The following MKLN1 variants were observed in gnomAD, a reference collection of about 807,000 sequenced individuals.
MKLN1 encodes muskelin.
A neutral mutation model predicts 99.0 loss-of-function variants in MKLN1; 18 were observed. The observed-to-expected ratio is 0.18, with a 90% CI of 0.13 to 0.27. The LOEUF (loss-of-function observed/expected upper bound fraction) is 0.27. Ranked by LOEUF, MKLN1 falls within the 10% of genes least tolerant of loss-of-function variation. MKLN1 has a pLI of 1.00. For missense variants in MKLN1, 621 were observed against 875.9 expected, an observed-to-expected ratio of 0.71 and a Z score of 3.67; for synonymous variants, 288 against 293.2, an observed-to-expected ratio of 0.98 and a Z score of 0.18.
chr7:131,310,135 A>T (rs1270083277), intron 3 of MKLN1: 1 of 152,196 alleles, frequency 6.6e-6, no homozygotes, highest in African/African-American at 2.4e-5. Flanking sequence ...AAGCTATAGG[A>T]TATGGGTTAT....
chr7:131,219,974 C>A (rs369360705), intron 3 of MKLN1, among the ~76,000 whole-genome samples: 1 of 152,160 alleles, frequency 6.6e-6, no homozygotes, highest in African/African-American at 2.4e-5. Context: ...CACAATATGG[C>A]GCACTGACAT....
At chr7:131,166,441 A>G (rs1796125842) in intron 2 of MKLN1, among the ~76,000 whole-genome samples, 1 of 150,664 alleles carries the variant, frequency 6.6e-6, no homozygotes, top group Non-Finnish European at 1.5e-5. Flanking sequence ...GAGTAAAAGA[A>G]ACATCCTTAC....
At chr7:131,239,387 A>G (rs28454594) in intron 3 of MKLN1, among the ~76,000 whole-genome samples, 27,560 of 151,328 alleles carry the variant, frequency 0.18, 3,272 homozygotes, top group African/African-American at 0.34. Context: ...ATCATAGCTC[A>G]TATCTCACTG....
At chr7:131,445,596 A>G (rs1246633146) in intron 11 of MKLN1, among the ~76,000 whole-genome samples, 178 bp from the exon 12 acceptor site, 1 of 152,116 alleles carries the variant, frequency 6.6e-6, no homozygotes, top group African/African-American at 2.4e-5. Context: ...GATGTCCTAG[A>G]GATCCCCTTT....
At chr7:131,359,183 C>G (rs1356637761) in intron 1 of MKLN1, among the ~76,000 whole-genome samples, 1 of 152,148 alleles carries the variant, frequency 6.6e-6, no homozygotes, top group Non-Finnish European at 1.5e-5. Flanking sequence ...ATTCCTTTCA[C>G]TGTATCCCAC....
chr7:131,369,472 A>C (rs960297298), intron 1 of MKLN1, among the ~76,000 whole-genome samples: 11 of 152,068 alleles, frequency 7.2e-5, no homozygotes, highest in Admixed American at 1.3e-4. Context: ...GATTTTGAGA[A>C]ATTTTTTTTG....
At chr7:131,334,166 T>C (rs1408377154) in intron 1 of MKLN1, among the ~76,000 whole-genome samples, 1 of 152,200 alleles carries the variant, frequency 6.6e-6, no homozygotes, top group East Asian at 1.9e-4. Context: ...GTACAGATAA[T>C]GGTGGTTATG....
At chr7:131,376,640 CAAA>C (rs540925056) in intron 2 of MKLN1, among the ~76,000 whole-genome samples, 3 of 65,198 alleles carry the variant, frequency 4.6e-5, no homozygotes, top group Non-Finnish European at 3.2e-5. Flanking sequence ...GACTCTGTCT[CAAA>C]AAAAAAAAAA....
rs559787788 is a variant in MKLN1, at chr7:131,442,375, C to A, written c.1174-1106C>A. On this transcript the variant is annotated intron_variant, in intron 10 of 17. Coordinates refer to ENST00000352689, the MANE Select transcript of MKLN1 (RefSeq NM_013255.5). ...CCAGCCTGACCAACATGGAGTAACA[C>A]CATCTCTACTAAAAATACAAAATTA... 2.8e-4 allele frequency among the ~76,000 whole-genome samples: 43 copies of A among 152,164 alleles called. No homozygotes were observed. The South Asian group carries it at 8.7e-3, about 31-fold the overall frequency.
At chr7:131,454,441 T>C (rs1465764509) in intron 12 of MKLN1, among the ~76,000 whole-genome samples, 1 of 152,198 alleles carries the variant, frequency 6.6e-6, no homozygotes, top group Non-Finnish European at 1.5e-5. Flanking sequence ...AGTAAAATAA[T>C]AGAAGTTAGT....
intron 3 of MKLN1, among the ~76,000 whole-genome samples, chr7:131,301,189 C>T (rs1798372694): frequency 6.6e-6 from 1 of 152,134 alleles, no homozygotes; most frequent in South Asian, 2.1e-4. Flanking sequence ...CATGTGAAGC[C>T]AAGGGAGAGA....
At chr7:131,227,015 T>C (rs774489599) in intron 3 of MKLN1, among the ~76,000 whole-genome samples, 6 of 152,214 alleles carry the variant, frequency 3.9e-5, no homozygotes, top group Non-Finnish European at 8.8e-5. Context: ...TCTTCCAGAA[T>C]TCCCCATTTC....
chr7:131,280,294 C>T (rs370037159), intron 3 of MKLN1, among the ~76,000 whole-genome samples: 46 of 152,258 alleles, frequency 3.0e-4, no homozygotes, highest in African/African-American at 1.0e-3. Flanking sequence ...TGTGGACATA[C>T]GTTTTCATTT....
intron 16 of MKLN1, chr7:131,472,013 C>T (rs1385094667): frequency 6.6e-6 from 1 of 152,228 alleles, no homozygotes; most frequent in Non-Finnish European, 1.5e-5. Flanking sequence ...TGCTTTAGAA[C>T]CCCCATGAAG....
At position 131,162,546 on chromosome 7, in the gene MKLN1, T is replaced by G. The variant is rs186903404; in HGVS notation, c.-297+19605T>G. Among the ~76,000 whole-genome samples the G allele has an allele frequency of 7.2e-4, 110 of 152,290 alleles. 2 individuals are homozygous for G. The East Asian group carries it at 0.011, about 15-fold the overall frequency. ...TAAAAACTTTGTTTCATGCACAAAA[T>G]TATTAACAGTATTATATAAAATTAC... is the stretch of plus-strand genomic sequence containing the variant. On this transcript the variant is annotated intron_variant, in intron 2 of 7. Transcript: ENST00000416992.
intron 3 of MKLN1, among the ~76,000 whole-genome samples, chr7:131,285,389 A>G (rs567003872): frequency 5.3e-5 from 8 of 152,204 alleles, no homozygotes; most frequent in Non-Finnish European, 1.2e-4. Context: ...TACCTTGTCC[A>G]CTTTCCCCCT....
At chr7:131,434,713 C>T (rs1248390891) in intron 9 of MKLN1, among the ~76,000 whole-genome samples, 1 of 152,110 alleles carries the variant, frequency 6.6e-6, no homozygotes, top group East Asian at 1.9e-4. Context: ...GCCTCCATGC[C>T]CAGCTAATTT....
At chr7:131,390,682 TATGGTGAGAAC>T in intron 4 of MKLN1, among the ~76,000 whole-genome samples, 1 of 152,278 alleles carries the variant, frequency 6.6e-6, no homozygotes, top group East Asian at 1.9e-4. Context: ...AACATTTTTT[TATGGTGAGAAC>T]ATTTAAGATC....
chr7:131,215,126 A>T (rs889759951), intron 3 of MKLN1, among the ~76,000 whole-genome samples: 40 of 152,326 alleles, frequency 2.6e-4, no homozygotes, highest in African/African-American at 9.1e-4. Context: ...AGCTCACTGC[A>T]ACCTCCGCCT....
Sources: allele counts gnomAD v4.1 joint callset (sites outside exome capture counted in the v4.1 genomes callset), GRCh38; gene constraint gnomAD v4.1.1; transcripts MANE v1.5; gene names NCBI Gene and HGNC (gene_info 2026-07-23, HGNC 2026-07-21).